Variants in KIT observed in about 807,000 individuals in gnomAD.
KIT encodes mast/stem cell growth factor receptor Kit.
A neutral mutation model predicts 105.7 loss-of-function variants in KIT; 16 were observed. The ratio of observed to expected loss-of-function variants is 0.15; its 90% CI spans 0.10 to 0.23. KIT has a LOEUF of 0.23. Ranked by LOEUF, KIT falls within the 10% of genes least tolerant of loss-of-function variation. The pLI is 1.00. For missense variants in KIT, 858 were observed against 1,213.8 expected (o/e 0.71, Z 4.36); for synonymous variants, 438 against 441.1 (o/e 0.99, Z 0.09).
intron 15 of KIT, 92 bp from the exon 16 acceptor site, chr4:54,731,779 A>G: frequency 3.0e-6 from 4 of 1,352,764 alleles, no homozygotes; most frequent in Non-Finnish European, 2.1e-6. Flanking sequence ...TAGTTCATTC[A>G]TTACCAGCCT....
At chr4:54,666,258 TTTTG>T (rs1432561143) in intron 1 of KIT, among the ~76,000 whole-genome samples, 3 of 152,004 alleles carry the variant, frequency 2.0e-5, no homozygotes, top group Non-Finnish European at 2.9e-5. Context: ...TTGAAAATTT[TTTTG>T]TTTTTGTTTT....
chr4:54,681,902 TG>T (rs1182315858), intron 1 of KIT, among the ~76,000 whole-genome samples: 1 of 151,892 alleles, frequency 6.6e-6, no homozygotes. Context: ...TAGCTGGGCA[TG>T]GTGGCGGAGG....
chr4:54,694,651 A>G (rs1395495512), intron 1 of KIT, among the ~76,000 whole-genome samples: 1 of 152,172 alleles, frequency 6.6e-6, no homozygotes, highest in Non-Finnish European at 1.5e-5. Context: ...GAGTGCTGGG[A>G]TTACAGGCGT....
rs772435233 is a variant in KIT, at chr4:54,657,985, C to A, written c.-30C>A. The A allele has an allele frequency of 6.2e-7, 1 of 1,610,260 alleles. No homozygotes were observed. Among genetic ancestry groups the A allele is most frequent in the Non-Finnish European group, 8.5e-7 (1 of 1,177,140 alleles). ...CTTGGGCGAGAGCTGGAACGTGGAC[C>A]AGAGCTCGGATCCCATCGCAGCTAC... On this transcript the variant is annotated 5_prime_UTR_variant, in exon 1 of 21. Coordinates refer to ENST00000288135, the MANE Select transcript of KIT (RefSeq NM_000222.3).
intron 7 of KIT, among the ~76,000 whole-genome samples, chr4:54,709,767 G>A (rs906406680): frequency 1.3e-5 from 2 of 152,124 alleles, no homozygotes; most frequent in Non-Finnish European, 1.5e-5. Context: ...CAAATTCTGC[G>A]TGCTGCCTTT....
At chr4:54,710,096 C>T in intron 7 of KIT, among the ~76,000 whole-genome samples, 1 of 152,170 alleles carries the variant, frequency 6.6e-6, no homozygotes, top group East Asian at 1.9e-4. Context: ...GCCATGGGCA[C>T]CTGAGCACCC....
intron 7 of KIT, among the ~76,000 whole-genome samples, chr4:54,716,713 A>T (rs920566620): frequency 6.6e-5 from 10 of 152,200 alleles, no homozygotes; most frequent in Non-Finnish European, 2.9e-5. Context: ...AAATGATGTG[A>T]CTGAATTTTA....
At chr4:54,721,332 T>C (rs1230671838) in intron 7 of KIT, among the ~76,000 whole-genome samples, 1 of 152,002 alleles carries the variant, frequency 6.6e-6, no homozygotes, top group East Asian at 1.9e-4. Context: ...GCACCTAGAG[T>C]CCCTAGCAAA....
chr4:54,725,102 T>TTTGTTG (rs748069596), intron 8 of KIT, among the ~76,000 whole-genome samples: 3 of 151,896 alleles, frequency 2.0e-5, no homozygotes, highest in Non-Finnish European at 4.4e-5. Flanking sequence ...CATCCTTGAT[T>TTTGTTG]TTGTTGTTGT....
intron 6 of KIT, among the ~76,000 whole-genome samples, chr4:54,708,487 A>G (rs1488841035): frequency 6.6e-6 from 1 of 152,158 alleles, no homozygotes; most frequent in African/African-American, 2.4e-5. Flanking sequence ...GCTATCAGTC[A>G]CTTACTGGCT....
rs1060502562 is a variant in KIT at position 54,737,236 on chromosome 4, A to G, written c.2758A>G (p.Ile920Val). ...DPLKRPTFKQ[I>V]VQLIEKQISE... is the part of the protein sequence containing the mutation. ...CCTAAAAAGACCAACATTCAAGCAA[A>G]TTGTTCAGCTAATTGAGAAGCAGAT... The change falls in exon 20 of 21, where the codon ATT (isoleucine) becomes GTT (valine). Residue 920 changes from isoleucine to valine, a missense_variant. By Grantham distance (29) the Ile-to-Val change is conservative. Coordinates refer to ENST00000288135, the MANE Select transcript of KIT (RefSeq NM_000222.3). 6.2e-7 allele frequency: 1 copy of G among 1,613,982 alleles called. No homozygotes were observed. Among genetic ancestry groups the G allele is most frequent in the Non-Finnish European group, 8.5e-7 (1 of 1,179,902 alleles).
Position 54,740,418 on chromosome 4 carries a change from G to T in KIT, c.*1861G>T, listed in dbSNP as rs1468560721. On this transcript the variant is annotated 3_prime_UTR_variant, in exon 21 of 21. Coordinates refer to ENST00000288135, the MANE Select transcript of KIT (RefSeq NM_000222.3). Reference sequence around the variant, plus strand: ...TGAGAGTTTTGTCTTGGATATTCTTGAAAGTTTATATTTTTATAATTTTTT... The same window carrying T: ...TGAGAGTTTTGTCTTGGATATTCTTTAAAGTTTATATTTTTATAATTTTTT... The T allele has an allele frequency of 1.7e-5, 4 of 233,276 alleles. No homozygotes were observed. Among genetic ancestry groups the T allele is most frequent in the Non-Finnish European group, 1.7e-5 (2 of 117,906 alleles). The allele number at this position is 233,276 out of a possible 1,614,324, so 14.5% of individuals were successfully genotyped here.
At position 54,739,731 on chromosome 4, in the gene KIT, C is replaced by G; in HGVS notation, c.*1174C>G. The G allele has an allele frequency of 4.3e-6, 1 of 233,520 alleles. No homozygotes were observed. The highest frequency in any genetic ancestry group is 8.5e-6 in the Non-Finnish European group (1 of 117,944). 14.5% of individuals were successfully genotyped at this position (233,520 alleles called of 1,614,324 possible). A position where few individuals can be genotyped will look rare whatever the true frequency, so the allele number is the denominator to read the frequency against. On this transcript the variant is annotated 3_prime_UTR_variant, in exon 21 of 21. Transcript: ENST00000288135. ...ATTTTTGCCCTGAGTCCAAGAGGGTCCTTTAGTACCTGAAAAGTAACTTGG... is the reference window on the plus strand; with the variant it reads ...ATTTTTGCCCTGAGTCCAAGAGGGTGCTTTAGTACCTGAAAAGTAACTTGG...
At chr4:54,669,219 C>G (rs529190195) in intron 1 of KIT, among the ~76,000 whole-genome samples, 3,535 of 152,114 alleles carry the variant, frequency 0.023, 145 homozygotes, top group African/African-American at 0.079. Flanking sequence ...GGACCCCCCC[C>G]CCTTGCTTTT....
chr4:54,694,650 G>T (rs1332522391), intron 1 of KIT, among the ~76,000 whole-genome samples: 1 of 152,194 alleles, frequency 6.6e-6, no homozygotes, highest in African/African-American at 2.4e-5. Flanking sequence ...AGAGTGCTGG[G>T]ATTACAGGCG....
intron 1 of KIT, among the ~76,000 whole-genome samples, chr4:54,664,902 TTA>T (rs1560371811): frequency 6.6e-6 from 1 of 151,886 alleles, no homozygotes; most frequent in Non-Finnish European, 1.5e-5. Context: ...TTTTTTTTTT[TTA>T]ATAGTAAAAC....
intron 1 of KIT, among the ~76,000 whole-genome samples, chr4:54,659,375 G>GCTAT (rs1196600177): frequency 2.0e-5 from 3 of 152,156 alleles, no homozygotes; most frequent in Admixed American, 1.3e-4. Context: ...CTGAAGCCCT[G>GCTAT]CTATCTCCCA....
chr4:54,733,259 G>C (rs573926207), intron 17 of KIT, 67 bp downstream of exon 17: 1 of 1,549,946 alleles, frequency 6.5e-7, no homozygotes, highest in East Asian at 2.3e-5. Context: ...GATAAAAATT[G>C]TTTCCTGTGA....
At chr4:54,660,053 C>G (rs2109530095) in intron 1 of KIT, among the ~76,000 whole-genome samples, 1 of 152,226 alleles carries the variant, frequency 6.6e-6, no homozygotes, top group South Asian at 2.1e-4. Context: ...CATGAAGGAT[C>G]CTTTGGGTCC....
Sources: gnomAD v4.1 joint callset for allele counts (sites outside exome capture counted in the v4.1 genomes callset) on GRCh38, gnomAD v4.1.1 for gene constraint, MANE v1.5 for transcripts, NCBI Gene and HGNC (gene_info 2026-07-23, HGNC 2026-07-21) for gene names.